The following MREG variants were observed in gnomAD, a reference collection of about 807,000 sequenced individuals.
The protein encoded by MREG is dilute suppressor protein homolog.
In MREG, 31 loss-of-function variants were observed where a neutral mutation model predicts 28.5. That is an observed-to-expected ratio of 1.09 (90% confidence interval 0.82 to 1.47). The LOEUF is 1.47. MREG is among the 40% of genes most tolerant of loss of function. The pLI is 0.00. For missense variants in MREG, 256 were observed against 257.4 expected, an observed-to-expected ratio of 0.99 and a Z score of 0.04; for synonymous variants, 106 against 95.2, an observed-to-expected ratio of 1.11 and a Z score of -0.66.
intron 2 of MREG, 116 bp from the exon 3 acceptor site, chr2:215,947,229 C>T: frequency 1.5e-6 from 1 of 649,478 alleles, no homozygotes. Flanking sequence ...ATCTTCAAAG[C>T]AAGCCTAAAA....
At chr2:215,959,551 A>G (rs893851722) in intron 2 of MREG, among the ~76,000 whole-genome samples, 2 of 152,186 alleles carry the variant, frequency 1.3e-5, no homozygotes, top group African/African-American at 4.8e-5. Flanking sequence ...ATCTTCTCCC[A>G]ACCTGCTGTC....
upstream of MREG, among the ~76,000 whole-genome samples, chr2:216,014,742 T>G (rs1694403186): frequency 6.6e-6 from 1 of 152,166 alleles, no homozygotes; most frequent in South Asian, 2.1e-4. Context: ...CCTTTTTAAT[T>G]TTGATGGATC....
intron 2 of MREG, among the ~76,000 whole-genome samples, chr2:215,983,106 C>A (rs779454722): frequency 3.9e-5 from 6 of 152,166 alleles, no homozygotes; most frequent in Non-Finnish European, 8.8e-5. Flanking sequence ...AAGAAAGAAG[C>A]CTTCGGAGGA....
At chr2:215,973,770 A>G (rs145961868) in intron 2 of MREG, among the ~76,000 whole-genome samples, 519 of 152,336 alleles carry the variant, frequency 3.4e-3, no homozygotes, top group African/African-American at 0.012. Context: ...GTGCTGCAAC[A>G]GGCTGACTCC....
chr2:216,005,842 T>TAA (rs35179294), intron 1 of MREG, among the ~76,000 whole-genome samples: 33,457 of 125,594 alleles, frequency 0.27, 4,779 homozygotes, highest in Non-Finnish European at 0.36. Context: ...AAGATTTTTG[T>TAA]AAAAAAAAAA....
At chr2:215,961,800 G>A (rs188563951) in intron 2 of MREG, among the ~76,000 whole-genome samples, 1 of 152,212 alleles carries the variant, frequency 6.6e-6, no homozygotes, top group East Asian at 1.9e-4. Context: ...TCTTAGTCAA[G>A]TTCACGATCC....
At chr2:215,986,854 A>G (rs1481924736) in intron 2 of MREG, among the ~76,000 whole-genome samples, 1 of 152,230 alleles carries the variant, frequency 6.6e-6, no homozygotes, top group East Asian at 1.9e-4. Context: ...AGTCTTGGGT[A>G]TGTCTTTATT....
At chr2:215,949,084 CTACTAATAATAA>C (rs1351541036) in intron 2 of MREG, among the ~76,000 whole-genome samples, 1 of 115,428 alleles carries the variant, frequency 8.7e-6, no homozygotes, top group African/African-American at 3.3e-5. Flanking sequence ...ACTACTACTA[CTACTAATAATAA>C]TAATAATAAT....
chr2:216,008,038 A>G (rs1694207837), intron 1 of MREG, among the ~76,000 whole-genome samples: 1 of 152,060 alleles, frequency 6.6e-6, no homozygotes, highest in Non-Finnish European at 1.5e-5. Flanking sequence ...TTCAGTATTC[A>G]CTAATTCAGT....
chr2:216,024,998 A>AAAAGG (rs1195347223), intron 1 of MREG, among the ~76,000 whole-genome samples: 7 of 151,866 alleles, frequency 4.6e-5, no homozygotes, highest in African/African-American at 9.7e-5. Context: ...AAAGGAAAGG[A>AAAAGG]AAAGGAAAGG....
intron 2 of MREG, among the ~76,000 whole-genome samples, chr2:215,958,591 C>A (rs1369820885): frequency 6.6e-6 from 1 of 152,218 alleles, no homozygotes; most frequent in Non-Finnish European, 1.5e-5. Flanking sequence ...CATTCTGCAT[C>A]CCTCCCTTCA....
chr2:216,015,169 G>C (rs988706821), upstream of MREG, among the ~76,000 whole-genome samples: 14 of 151,958 alleles, frequency 9.2e-5, no homozygotes, highest in Admixed American at 8.5e-4. Context: ...GCGCGCGCGC[G>C]TGCGTGTGTG....
In MREG at chr2:215,943,981, T is replaced by C. The variant is rs1692251538; in HGVS notation, c.*882A>G. 1 of 108,914 alleles carries C rather than the reference T, an allele frequency of 9.2e-6. No homozygotes were observed. The highest frequency in any genetic ancestry group is 1.9e-5 in the Non-Finnish European group (1 of 51,904). 6.7% of individuals were successfully genotyped at this position (108,914 alleles called of 1,614,324 possible). ...ATGAATACATAACTCTTTTTTTTTT[T>C]TTTTTTTTTTTTTTTTGAGACGGAG... is the stretch of plus-strand genomic sequence containing the variant. On this transcript the variant is annotated 3_prime_UTR_variant, in exon 5 of 5. Transcript: ENST00000263268.
intron 2 of MREG, among the ~76,000 whole-genome samples, chr2:215,958,303 A>G (rs1325505495): frequency 6.6e-6 from 1 of 151,838 alleles, no homozygotes; most frequent in African/African-American, 2.4e-5. Flanking sequence ...TAAATAAAAT[A>G]AAAGAACTCC....
At chr2:216,031,000 T>C (rs1377234183) in intron 1 of MREG, among the ~76,000 whole-genome samples, 2 of 148,218 alleles carry the variant, frequency 1.3e-5, no homozygotes, top group African/African-American at 5.0e-5. Context: ...ACACACTCTG[T>C]CCCTGCTCTC....
chr2:215,985,509 A>G (rs1436432729), intron 2 of MREG, among the ~76,000 whole-genome samples: 3 of 152,222 alleles, frequency 2.0e-5, no homozygotes, highest in Non-Finnish European at 4.4e-5. Flanking sequence ...GATTCTGTCT[A>G]TGAGATTTAA....
intron 1 of MREG, among the ~76,000 whole-genome samples, chr2:216,021,610 G>C (rs563313361): frequency 1.3e-5 from 2 of 152,188 alleles, no homozygotes; most frequent in South Asian, 4.2e-4. Context: ...CTTTTCCAGA[G>C]GCTTGGGAAT....
At chr2:216,005,084 G>T (rs1420498611) in intron 1 of MREG, among the ~76,000 whole-genome samples, 2 of 152,118 alleles carry the variant, frequency 1.3e-5, no homozygotes, top group African/African-American at 4.8e-5. Context: ...CACCTTATAT[G>T]CTGACTTTAA....
Position 215,944,791 on chromosome 2 carries a change from T to A in MREG, c.*72A>T. 1 of 1,446,932 alleles carries A rather than the reference T, an allele frequency of 6.9e-7. No homozygotes were observed. Among genetic ancestry groups the A allele is most frequent in the Non-Finnish European group, 9.4e-7 (1 of 1,065,246 alleles). 89.6% of individuals were successfully genotyped at this position (1,446,932 alleles called of 1,614,324 possible). The stretch of plus-strand genomic sequence containing the variant: ...CTCTATTTGCTCACTCTCTTCTACA[T>A]GTAATTGTCCAACTTTGGTTGACTG... On this transcript the variant is annotated 3_prime_UTR_variant, in exon 5 of 5. Transcript: ENST00000263268.
Sources: allele counts gnomAD v4.1 joint callset (sites outside exome capture counted in the v4.1 genomes callset), GRCh38; gene constraint gnomAD v4.1.1; transcripts MANE v1.5; gene names NCBI Gene and HGNC (gene_info 2026-07-23, HGNC 2026-07-21).